Variants in MPP2 observed in about 807,000 individuals in gnomAD.
MPP2 encodes MAGUK p55 subfamily member 2.
A neutral mutation model predicts 58.5 loss-of-function variants in MPP2; 42 were observed. The ratio of observed to expected loss-of-function variants is 0.72; its 90% CI spans 0.56 to 0.93. The LOEUF (loss-of-function observed/expected upper bound fraction) is 0.93, where lower values mean the gene tolerates loss of function less well. MPP2 is among the 40% of genes least tolerant of loss of function. The pLI is 0.00. For missense variants in MPP2, 632 were observed against 760.4 expected, an observed-to-expected ratio of 0.83 and a Z score of 1.99; for synonymous variants, 300 against 307.8, an observed-to-expected ratio of 0.97 and a Z score of 0.26.
At position 43,879,260 on chromosome 17, in the gene MPP2, C is replaced by T. The variant is rs373353784; in HGVS notation, c.1482+15G>A. 6.9e-6 allele frequency: 11 copies of T among 1,605,132 alleles called. 1 individual carries two copies. In the Admixed American group the frequency reaches 8.4e-5, roughly 12 times the overall value. ...GCAGCTATCAGACCCCTCCCCCACA[C>T]CTCAGAGCCCTCACCGTGAGCTGCT... On this transcript the variant is annotated intron_variant, in intron 12 of 12. Transcript: ENST00000269095. The surrounding 1 kb of genome is among the most constrained non-coding windows in gnomAD (Gnocchi z 4.1).
upstream of MPP2, chr17:43,909,675 G>C: frequency 4.7e-6 from 6 of 1,272,586 alleles, no homozygotes; most frequent in South Asian, 1.0e-4. Flanking sequence ...TGCATTCGTC[G>C]GTCAACAAGT....
intron 7 of MPP2, 45 bp from the exon 8 acceptor site, chr17:43,881,394 C>T (rs1208249904): frequency 1.2e-6 from 2 of 1,613,978 alleles, no homozygotes; most frequent in Admixed American, 3.3e-5. Context: ...AAGAGGACCC[C>T]TCCCTGTGCC....
At chr17:43,889,808 T>TTTTTC (rs2047526079) in intron 3 of MPP2, among the ~76,000 whole-genome samples, 1 of 35,946 alleles carries the variant, frequency 2.8e-5, no homozygotes, top group African/African-American at 9.3e-5. Context: ...CAAATGCGTT[T>TTTTTC]TTTTTTTTGT....
chr17:43,881,605 A>T lies in MPP2; in HGVS notation c.682-16T>A. ...TCACAAATACCTGGGCCCAGGAATC[A>T]GCAAAGGGTCGGGGGAAGGGTCAGC... On this transcript the variant is annotated splice_polypyrimidine_tract_variant and intron_variant, in intron 6 of 12. Transcript: ENST00000269095. 6.2e-7 allele frequency: 1 copy of T among 1,611,880 alleles called. No homozygotes were observed. Among genetic ancestry groups the T allele is most frequent in the Non-Finnish European group, 8.5e-7 (1 of 1,178,818 alleles).
At position 43,907,460 on chromosome 17, in the gene MPP2, C is replaced by T. The variant is rs978229808; in HGVS notation, c.-34+14G>A. On this transcript the variant is annotated intron_variant, in intron 1 of 12. Coordinates refer to ENST00000269095, the MANE Select transcript of MPP2 (RefSeq NM_005374.5). Reference sequence around the variant, plus strand: ...TTGGGATAGGAGCTGGCCCGGGGGCCGGGGGACGCCTACCTGCGCCCCGGG... The same window carrying T: ...TTGGGATAGGAGCTGGCCCGGGGGCTGGGGGACGCCTACCTGCGCCCCGGG... 3 of 985,540 alleles carry T rather than the reference C, an allele frequency of 3.0e-6. No homozygotes were observed. The highest frequency in any genetic ancestry group is 3.6e-6 in the Non-Finnish European group (3 of 830,014). The allele number at this position is 985,540 out of a possible 1,614,324, so 61.0% of individuals were successfully genotyped here.
At chr17:43,902,145 C>G (rs758077326) in intron 2 of MPP2, among the ~76,000 whole-genome samples, 6 of 152,142 alleles carry the variant, frequency 3.9e-5, no homozygotes, top group Admixed American at 3.3e-4. Flanking sequence ...GGAAGAAAAA[C>G]ACTTTGTACT....
At chr17:43,884,618 C>G (rs1364776938) in intron 3 of MPP2, among the ~76,000 whole-genome samples, 1 of 152,204 alleles carries the variant, frequency 6.6e-6, no homozygotes, top group East Asian at 1.9e-4. Flanking sequence ...ATCCTTTTGA[C>G]AAGAGTTCTA....
At chr17:43,908,033 G>A (rs986035502), upstream of MPP2, 15 of 942,132 alleles carry the variant, frequency 1.6e-5, no homozygotes, top group African/African-American at 2.5e-4. Context: ...CTCAGAGGGT[G>A]GATATCCGGA....
chr17:43,880,872 G>A lies in MPP2; in HGVS notation c.989-20C>T, dbSNP rs764661537. 1.1e-5 allele frequency: 18 copies of A among 1,584,964 alleles called. No individual in the cohort carries two copies. The highest frequency in any genetic ancestry group is 4.0e-5 in the African/African-American group (3 of 74,302). ...CAAACTCTGGACACAGGGAGATGGC[G>A]CTGCTCACCAGGCTGCACGGTGAGG... is the stretch of plus-strand genomic sequence containing the variant. On this transcript the variant is annotated intron_variant, in intron 9 of 12. Transcript: ENST00000269095. The surrounding 1 kb of genome is among the most constrained non-coding windows in gnomAD (Gnocchi z 5.2).
intron 2 of MPP2, among the ~76,000 whole-genome samples, chr17:43,900,085 G>A (rs2048024374): frequency 6.6e-6 from 1 of 152,192 alleles, no homozygotes; most frequent in Non-Finnish European, 1.5e-5. Context: ...AGCTGGCAGA[G>A]ATGGTTCAGG....
chr17:43,899,626 G>C (rs1304508258), intron 2 of MPP2, among the ~76,000 whole-genome samples: 2 of 152,140 alleles, frequency 1.3e-5, no homozygotes, highest in Non-Finnish European at 2.9e-5. Flanking sequence ...CTGAGGCCTG[G>C]AACGCTGGCA....
At chr17:43,908,658 G>A (rs758717739), upstream of MPP2, among the ~76,000 whole-genome samples, 1 of 152,144 alleles carries the variant, frequency 6.6e-6, no homozygotes, top group Non-Finnish European at 1.5e-5. Flanking sequence ...GCAGTGAGCC[G>A]AGATTGCAAC....
rs2047272222 is a variant in MPP2, at chr17:43,884,284, T to C, written c.151-929A>G. On this transcript the variant is annotated intron_variant, in intron 3 of 12. Transcript: ENST00000269095. ...TGATTCAGGATCTAATTGATGATCA[T>C]ATGTTGTAGTTGGTTGACATATCTT... 4 of 589,342 alleles carry C rather than the reference T, an allele frequency of 6.8e-6. No individual in the cohort carries two copies. The East Asian group carries it at 8.5e-5, about 13-fold the overall frequency. 36.5% of individuals were successfully genotyped at this position (589,342 alleles called of 1,614,324 possible).
chr17:43,905,842 T>C (rs2048266943), intron 1 of MPP2, among the ~76,000 whole-genome samples: 1 of 151,946 alleles, frequency 6.6e-6, no homozygotes. Flanking sequence ...TCACCTGAGC[T>C]CAGGTGACAG....
chr17:43,891,166 C>T (rs2047588638), intron 3 of MPP2, among the ~76,000 whole-genome samples: 1 of 152,186 alleles, frequency 6.6e-6, no homozygotes, highest in Non-Finnish European at 1.5e-5. Context: ...CCCCACAGAA[C>T]AAGAGGCCTC....
At position 43,877,603 on chromosome 17, in the gene MPP2, G is replaced by A; in HGVS notation, c.*204C>T. On this transcript the variant is annotated 3_prime_UTR_variant, in exon 13 of 13. Transcript: ENST00000269095. ...GGCATCAGGAGTGGGCAGCACCTGG[G>A]CACAAGGTACCCCATGAATGCCCAC... 1 of 599,266 alleles carries A rather than the reference G, an allele frequency of 1.7e-6. No homozygotes were observed. The highest frequency in any genetic ancestry group is 3.0e-6 in the Non-Finnish European group (1 of 334,938). 37.1% of individuals were successfully genotyped at this position (599,266 alleles called of 1,614,324 possible). A position where few individuals can be genotyped will look rare whatever the true frequency, so the allele number is the denominator to read the frequency against.
At position 43,877,690 on chromosome 17, in the gene MPP2, C is replaced by T; in HGVS notation, c.*117G>A. 1.1e-6 allele frequency: 1 copy of T among 910,822 alleles called. No homozygotes were observed. The highest frequency in any genetic ancestry group is 1.5e-5 in the South Asian group (1 of 66,732). 56.4% of individuals were successfully genotyped at this position (910,822 alleles called of 1,614,324 possible). On this transcript the variant is annotated 3_prime_UTR_variant, in exon 13 of 13. Transcript: ENST00000269095. ...CTTAGGGCCTGCTGGGAGCTGTTAC[C>T]CAAGGACAGCCAGATATGGGGGCTA...
At position 43,875,771 on chromosome 17, in the gene MPP2, G is replaced by A. The variant is rs892925504; in HGVS notation, c.*2036C>T. Reference sequence around the variant, plus strand: ...CCCTTGAGCATCCCTAGCAGTGAAGGTGCCATGAAGGCCAGGTACCCAACC... The same window carrying A: ...CCCTTGAGCATCCCTAGCAGTGAAGATGCCATGAAGGCCAGGTACCCAACC... On this transcript the variant is annotated 3_prime_UTR_variant, in exon 13 of 13. Coordinates refer to ENST00000269095, the MANE Select transcript of MPP2 (RefSeq NM_005374.5). 2 of 152,182 alleles carry A rather than the reference G, an allele frequency of 1.3e-5. No homozygotes were observed. The highest frequency in any genetic ancestry group is 2.4e-5 in the African/African-American group (1 of 41,416). 9.4% of individuals were successfully genotyped at this position (152,182 alleles called of 1,614,324 possible). A position where few individuals can be genotyped will look rare whatever the true frequency, so the allele number is the denominator to read the frequency against.
At chr17:43,896,714 A>T (rs1315577603) in intron 3 of MPP2, among the ~76,000 whole-genome samples, 2 of 152,118 alleles carry the variant, frequency 1.3e-5, no homozygotes. Flanking sequence ...CCTGACATGG[A>T]CAGTCGAGGT....
Sources: gnomAD v4.1 joint callset for allele counts (sites outside exome capture counted in the v4.1 genomes callset) on GRCh38, gnomAD v4.1.1 for gene constraint, Gnocchi (gnomAD v3.1) non-coding constraint, MANE v1.5 for transcripts, NCBI Gene and HGNC (gene_info 2026-07-23, HGNC 2026-07-21) for gene names.